LCE5A: variants seen among roughly 807,000 people sequenced by gnomAD.
LCE5A encodes late cornified envelope 5A, also known as late cornified envelope protein 5A.
For missense variants in LCE5A, 139 were observed against 147.2 expected (o/e 0.94, Z 0.29); for synonymous variants, 51 against 54.2 (o/e 0.94, Z 0.26).
Position 152,511,843 on chromosome 1 carries a change from C to T in LCE5A, c.309C>T (p.His103=), listed in dbSNP as rs773044389. The T allele has an allele frequency of 4.3e-6, 7 of 1,613,668 alleles. No individual in the cohort carries two copies. The Admixed American group carries it at 1.0e-4, about 23-fold the overall frequency. ...GQQSGGSSCC[H]SSGGSGCCHS... ...AGTCTGGGGGCTCCAGCTGCTGCCA[C>T]AGCTCTGGGGGCTCTGGCTGCTGCC... The change falls in exon 2 of 2, where the codon CAC becomes CAT. Residue 103 remains histidine, a synonymous_variant. Coordinates refer to ENST00000334269, the MANE Select transcript of LCE5A (RefSeq NM_178438.5).
rs576251561 is a variant in LCE5A at position 152,512,164 on chromosome 1, C to A, written c.*273C>A. ...AGCTATTTTCTCTGTAACAATAAAG[C>A]TTTTTATTCCTGATATCACTGCCTC... is the stretch of plus-strand genomic sequence containing the variant. On this transcript the variant is annotated 3_prime_UTR_variant, in exon 2 of 2. Coordinates refer to ENST00000334269, the MANE Select transcript of LCE5A (RefSeq NM_178438.5). 8.8e-6 allele frequency: 4 copies of A among 454,294 alleles called. No homozygotes were observed. The South Asian group carries it at 2.2e-4, about 25-fold the overall frequency. The allele number at this position is 454,294 out of a possible 1,614,324, so 28.1% of individuals were successfully genotyped here.
rs748607882 is a variant in LCE5A at position 152,511,587 on chromosome 1, C to G, written c.53C>G (p.Pro18Arg). The change falls in exon 2 of 2, where the codon CCT (proline) becomes CGT (arginine). Residue 18 changes from proline (P) to arginine (R), a missense_variant. Pro to Arg is a moderately radical substitution (Grantham distance 103). Transcript: ENST00000334269. ...TGCCAGCCTCCTCCCAAATGTACCC[C>G]TAAATGCCCTCCCAAGTGTACTCCT... The part of the protein sequence containing the change: ...QQCQPPPKCT[P>R]KCPPKCTPKC... The G allele has an allele frequency of 2.8e-5, 45 of 1,614,142 alleles. No individual in the cohort carries two copies. Among genetic ancestry groups the G allele is most frequent in the Non-Finnish European group, 3.7e-5 (44 of 1,180,018 alleles).
chr1:152,511,753 G>T lies in LCE5A; in HGVS notation c.219G>T (p.Arg73Ser). Residue 73 changes from arginine (R) to serine (S), a missense_variant, in exon 2 of 2, where the codon AGG (arginine) becomes AGT (serine). Physicochemically the swap from Arg to Ser is moderately radical, Grantham distance 110 (BLOSUM62 -1). Transcript: ENST00000334269. Reference protein sequence around the residue: ...EGGGCCLSHHRPRQSLRRRPQ... With the variant: ...EGGGCCLSHHSPRQSLRRRPQ... ...GTGGCTGCTGCCTGAGCCACCACAG[G>T]CCCCGCCAGTCCCTCCGACGCCGAC... The T allele has an allele frequency of 3.7e-6, 6 of 1,612,762 alleles. No individual in the cohort carries two copies. The highest frequency in any genetic ancestry group is 5.1e-6 in the Non-Finnish European group (6 of 1,179,682).
chr1:152,511,663 A>T lies in LCE5A; in HGVS notation c.129A>T (p.Pro43=). The T allele has an allele frequency of 6.2e-7, 1 of 1,614,022 alleles. No individual in the cohort carries two copies. The highest frequency in any genetic ancestry group is 8.5e-7 in the Non-Finnish European group (1 of 1,179,996). The change falls in exon 2 of 2, where the codon CCA becomes CCT. Residue 43 remains proline (P), a synonymous_variant. Coordinates refer to ENST00000334269, the MANE Select transcript of LCE5A (RefSeq NM_178438.5). The part of the protein sequence containing the change: ...PPKCPPQCSA[P]CPPPVSSCCG... ...AATGCCCTCCCCAGTGTTCAGCCCC[A>T]TGCCCACCTCCAGTCTCTTCCTGCT...
intron 1 of LCE5A, 103 bp downstream of exon 1, chr1:152,511,101 C>T (rs1658555786): frequency 6.4e-6 from 1 of 157,476 alleles, no homozygotes; most frequent in Non-Finnish European, 1.4e-5. Flanking sequence ...ATTCTTGTTA[C>T]TGGTCTTGGG....
chr1:152,511,985 T>A lies in LCE5A; in HGVS notation c.*94T>A. 3 of 1,196,830 alleles carry A rather than the reference T, an allele frequency of 2.5e-6. No homozygotes were observed. Among genetic ancestry groups the A allele is most frequent in the Non-Finnish European group, 3.5e-6 (3 of 857,744 alleles). 74.1% of individuals were successfully genotyped at this position (1,196,830 alleles called of 1,614,324 possible). A position where few individuals can be genotyped will look rare whatever the true frequency, so the allele number is the denominator to read the frequency against. On this transcript the variant is annotated 3_prime_UTR_variant, in exon 2 of 2. Transcript: ENST00000334269. Reference sequence around the variant, plus strand: ...GAGGCTTCTTTTCTCTCATTTCCCATGGAAGGACTTCGGAAATGCCTTAAG... The same window carrying A: ...GAGGCTTCTTTTCTCTCATTTCCCAAGGAAGGACTTCGGAAATGCCTTAAG...
At position 152,511,963 on chromosome 1, in the gene LCE5A, G is replaced by C; in HGVS notation, c.*72G>C. The C allele has an allele frequency of 7.1e-7, 1 of 1,400,990 alleles. No individual in the cohort carries two copies. Among genetic ancestry groups the C allele is most frequent in the Non-Finnish European group, 9.7e-7 (1 of 1,033,274 alleles). The allele number at this position is 1,400,990 out of a possible 1,614,324, so 86.8% of individuals were successfully genotyped here. ...TGCTGAAGATGTGTGTCAGCCTGAG[G>C]CTTCTTTTCTCTCATTTCCCATGGA... On this transcript the variant is annotated 3_prime_UTR_variant, in exon 2 of 2. Transcript: ENST00000334269.
chr1:152,511,758 G>A lies in LCE5A; in HGVS notation c.224G>A (p.Arg75His), dbSNP rs375639917. Reference protein sequence around the residue: ...GGCCLSHHRPRQSLRRRPQSS... With the variant: ...GGCCLSHHRPHQSLRRRPQSS... ...TGCTGCCTGAGCCACCACAGGCCCC[G>A]CCAGTCCCTCCGACGCCGACCTCAG... The change falls in exon 2 of 2, where the codon CGC (arginine) becomes CAC (histidine). Residue 75 changes from arginine to histidine, a missense_variant. By Grantham distance (29) the Arg-to-His change is conservative. Transcript: ENST00000334269. 1.5e-4 allele frequency: 246 copies of A among 1,613,822 alleles called. No homozygotes were observed. The highest frequency in any genetic ancestry group is 2.0e-4 in the Non-Finnish European group (232 of 1,179,848).
chr1:152,511,595 CCTCCCAAGTGTA>C lies in LCE5A; in HGVS notation c.66_77del (p.Thr25_Cys28del). 2 of 1,614,096 alleles carry C rather than the reference CCTCCCAAGTGTA, an allele frequency of 1.2e-6. No homozygotes were observed. The highest frequency in any genetic ancestry group is 1.7e-6 in the Non-Finnish European group (2 of 1,180,022). On this transcript the variant is annotated inframe_deletion, in exon 2 of 2. Transcript: ENST00000334269. Reference sequence around the variant, plus strand: ...TCCTCCCAAATGTACCCCTAAATGCCCTCCCAAGTGTACTCCTAAGTGTCCTCCCAAGTGTCC... The same window carrying C: ...TCCTCCCAAATGTACCCCTAAATGCCCTCCTAAGTGTCCTCCCAAGTGTCC...
Position 152,511,605 on chromosome 1 carries a change from G to A in LCE5A, c.71G>A (p.Cys24Tyr). ...TGTACCCCTAAATGCCCTCCCAAGT[G>A]TACTCCTAAGTGTCCTCCCAAGTGT... is the stretch of plus-strand genomic sequence containing the variant. ...PKCTPKCPPKCTPKCPPKCPP... is the reference protein window; with the variant it reads ...PKCTPKCPPKYTPKCPPKCPP... Residue 24 changes from cysteine (C) to tyrosine (Y), a missense_variant, in exon 2 of 2, where the codon TGT becomes TAT. Transcript: ENST00000334269. 1 of 1,614,020 alleles carries A rather than the reference G, an allele frequency of 6.2e-7. No homozygotes were observed. The highest frequency in any genetic ancestry group is 8.5e-7 in the Non-Finnish European group (1 of 1,180,002).
At chr1:152,511,392 C>T (rs1255722772) in intron 1 of LCE5A, 122 bp from the exon 2 acceptor site, 24 of 709,926 alleles carry the variant, frequency 3.4e-5, no homozygotes, top group East Asian at 1.4e-4. Flanking sequence ...AGTGAGACTC[C>T]ATCCCAAATA....
In LCE5A at chr1:152,511,246, C is replaced by T. The variant is rs559850415; in HGVS notation, c.-22+248C>T. On this transcript the variant is annotated intron_variant, in intron 1 of 1. Transcript: ENST00000334269. The stretch of plus-strand genomic sequence containing the variant: ...GAGACTGACCAACATGCTGAAATCC[C>T]GTCTCTACTAAAAACACAAAAATTA... Among the ~76,000 whole-genome samples the T allele has an allele frequency of 1.7e-3, 259 of 152,014 alleles. 1 individual carries two copies. The highest frequency in any genetic ancestry group is 5.8e-3 in the African/African-American group (240 of 41,450).
In LCE5A at chr1:152,511,743, G is replaced by A. The variant is rs924931889; in HGVS notation, c.209G>A (p.Ser70Asn). 5.6e-6 allele frequency: 9 copies of A among 1,612,212 alleles called. No individual in the cohort carries two copies. The highest frequency in any genetic ancestry group is 1.3e-5 in the African/African-American group (1 of 74,848). Residue 70 changes from serine to asparagine, a missense_variant, in exon 2 of 2, where the codon AGC becomes AAC. Physicochemically the swap from Ser to Asn is conservative, Grantham distance 46. Transcript: ENST00000334269. Reference protein sequence around the residue: ...CSSEGGGCCLSHHRPRQSLRR... With the variant: ...CSSEGGGCCLNHHRPRQSLRR... Reference sequence around the variant, plus strand: ...TCTGAGGGTGGTGGCTGCTGCCTGAGCCACCACAGGCCCCGCCAGTCCCTC... The same window carrying A: ...TCTGAGGGTGGTGGCTGCTGCCTGAACCACCACAGGCCCCGCCAGTCCCTC...
Position 152,511,200 on chromosome 1 carries a change from G to A in LCE5A, c.-22+202G>A, listed in dbSNP as rs540236119. Among the ~76,000 whole-genome samples, 494 of 152,108 alleles carry A rather than the reference G, an allele frequency of 3.2e-3. 1 individual carries two copies. Among genetic ancestry groups the A allele is most frequent in the African/African-American group, 0.011 (473 of 41,490 alleles). The stretch of plus-strand genomic sequence containing the variant: ...AGCACTTTGGGAGGCTGAGGTGGGC[G>A]GGTCAAGAGGTCAGGAGTTCGAGAC... On this transcript the variant is annotated intron_variant, in intron 1 of 1. Coordinates refer to ENST00000334269, the MANE Select transcript of LCE5A (RefSeq NM_178438.5).
Position 152,511,895 on chromosome 1 carries a change from G to T in LCE5A, c.*4G>T, listed in dbSNP as rs750522278. On this transcript the variant is annotated 3_prime_UTR_variant, in exon 2 of 2. Coordinates refer to ENST00000334269, the MANE Select transcript of LCE5A (RefSeq NM_178438.5). ...CAGCTCTGGAGGCTGCTGCTGACCTGGGCCATGAGGAGCACGGAGGAGAAG... is the reference window on the plus strand; with the variant it reads ...CAGCTCTGGAGGCTGCTGCTGACCTTGGCCATGAGGAGCACGGAGGAGAAG... 2 of 1,605,694 alleles carry T rather than the reference G, an allele frequency of 1.2e-6. No individual in the cohort carries two copies. The highest frequency in any genetic ancestry group is 2.7e-5 in the African/African-American group (2 of 74,670).
rs114199984 is a variant in LCE5A, at chr1:152,512,042, A to T, written c.*151A>T. On this transcript the variant is annotated 3_prime_UTR_variant, in exon 2 of 2. Transcript: ENST00000334269. ...TCTTTATCCTGCCCATGTTCACTCCATTGTAGGGTTGAAGTCTAGCTTGTG... is the reference window on the plus strand; with the variant it reads ...TCTTTATCCTGCCCATGTTCACTCCTTTGTAGGGTTGAAGTCTAGCTTGTG... 4,546 of 695,510 alleles carry T rather than the reference A, an allele frequency of 6.5e-3. 120 individuals are homozygous for T. The highest frequency in any genetic ancestry group is 0.065 in the African/African-American group (3,621 of 55,452). 43.1% of individuals were successfully genotyped at this position (695,510 alleles called of 1,614,324 possible).
At position 152,511,964 on chromosome 1, in the gene LCE5A, C is replaced by G. The variant is rs1357808049; in HGVS notation, c.*73C>G. 1.1e-5 allele frequency: 15 copies of G among 1,368,384 alleles called. No individual in the cohort carries two copies. The highest frequency in any genetic ancestry group is 1.4e-5 in the Non-Finnish European group (14 of 1,005,036). The allele number at this position is 1,368,384 out of a possible 1,614,324, so 84.8% of individuals were successfully genotyped here. A position where few individuals can be genotyped will look rare whatever the true frequency, so the allele number is the denominator to read the frequency against. On this transcript the variant is annotated 3_prime_UTR_variant, in exon 2 of 2. Transcript: ENST00000334269. ...GCTGAAGATGTGTGTCAGCCTGAGG[C>G]TTCTTTTCTCTCATTTCCCATGGAA... is the stretch of plus-strand genomic sequence containing the variant.
In LCE5A at chr1:152,510,956, G is replaced by A. The variant is rs1658552814; in HGVS notation, c.-64G>A. On this transcript the variant is annotated 5_prime_UTR_variant, in exon 1 of 2. Transcript: ENST00000334269. ...CTTGAAGAAAGACAAGGATAAAGAA[G>A]GATTTTGGAGGGGAAGGTTCTTCTG... 1 of 152,654 alleles carries A rather than the reference G, an allele frequency of 6.6e-6. No homozygotes were observed. 9.5% of individuals were successfully genotyped at this position (152,654 alleles called of 1,614,324 possible).
In LCE5A at chr1:152,511,784, A is replaced by T. The variant is rs56169785; in HGVS notation, c.250A>T (p.Ser84Cys). The T allele has an allele frequency of 9.2e-3, 14,793 of 1,614,046 alleles. 98 individuals carry two copies. Among genetic ancestry groups the T allele is most frequent in the Non-Finnish European group, 0.011 (13,134 of 1,179,984 alleles). Residue 84 changes from serine to cysteine, a missense_variant, in exon 2 of 2, where the codon AGT becomes TGT. Transcript: ENST00000334269. ...PRQSLRRRPQ[S>C]SSCCGSGSGQ... Reference sequence around the variant, plus strand: ...CCAGTCCCTCCGACGCCGACCTCAGAGTTCCAGCTGCTGTGGCAGTGGCAG... The same window carrying T: ...CCAGTCCCTCCGACGCCGACCTCAGTGTTCCAGCTGCTGTGGCAGTGGCAG...
Sources: gnomAD v4.1 joint callset for allele counts (sites outside exome capture counted in the v4.1 genomes callset) on GRCh38, gnomAD v4.1.1 for gene constraint, MANE v1.5 for transcripts, NCBI Gene and HGNC (gene_info 2026-07-23, HGNC 2026-07-21) for gene names.